CLDN16: variants seen among roughly 807,000 people sequenced by gnomAD.
CLDN16 encodes the protein claudin 16.
A neutral mutation model predicts 24.6 loss-of-function variants in CLDN16; 13 were observed. The observed-to-expected ratio is 0.53, with a 90% CI of 0.34 to 0.84. CLDN16 has a LOEUF of 0.84. Ranked by LOEUF, CLDN16 falls within the 40% of genes least tolerant of loss-of-function variation. The pLI is 0.01. For synonymous variants in CLDN16, 116 were observed against 106.7 expected (o/e 1.09, Z -0.54); for missense variants, 298 against 292.7 (o/e 1.02, Z -0.13).
At chr3:190,403,928 A>G (rs546693452) in intron 2 of CLDN16, among the ~76,000 whole-genome samples, 2 of 152,214 alleles carry the variant, frequency 1.3e-5, no homozygotes, top group Non-Finnish European at 2.9e-5. Flanking sequence ...AAAATTAAAA[A>G]AAATTTAAAA....
Position 190,380,198 on chromosome 3 carries a change from C to T in CLDN16, n.306+5595C>T, listed in dbSNP as rs866802718. ...CCTTCCTTCCTTTTCTTCCTTCCCTCCCTTCCTTCCTTCCTCCCTTCCTTC... is the reference window on the plus strand; with the variant it reads ...CCTTCCTTCCTTTTCTTCCTTCCCTTCCTTCCTTCCTTCCTCCCTTCCTTC... On this transcript the variant is annotated intron_variant and non_coding_transcript_variant, in intron 3 of 4. Transcript: ENST00000468220. Among the ~76,000 whole-genome samples, 175 of 130,330 alleles carry T rather than the reference C, an allele frequency of 1.3e-3. 32 individuals carry two copies. Among genetic ancestry groups the T allele is most frequent in the South Asian group, 8.5e-3 (33 of 3,866 alleles). 85.5% of individuals were successfully genotyped at this position (130,330 alleles called of 152,430 possible).
chr3:190,407,838 A>T (rs948653446), intron 3 of CLDN16, among the ~76,000 whole-genome samples: 1 of 152,224 alleles, frequency 6.6e-6, no homozygotes, highest in Non-Finnish European at 1.5e-5. Context: ...CGTAGCTGGC[A>T]TAGCTTCAAA....
At chr3:190,408,566 G>A in intron 4 of CLDN16, 61 bp downstream of exon 4, 1 of 1,465,458 alleles carries the variant, frequency 6.8e-7, no homozygotes. Context: ...CCAATCCAGT[G>A]GAAACAAATT....
At chr3:190,336,811 G>T (rs565673300) in intron 1 of CLDN16, among the ~76,000 whole-genome samples, 3 of 152,214 alleles carry the variant, frequency 2.0e-5, no homozygotes, top group African/African-American at 7.2e-5. Context: ...AAAGCTGTTC[G>T]CCAAGAACTG....
At chr3:190,317,922 A>G (rs1480522054), upstream of CLDN16, among the ~76,000 whole-genome samples, 1 of 152,192 alleles carries the variant, frequency 6.6e-6, no homozygotes, top group Non-Finnish European at 1.5e-5. Flanking sequence ...TAGTTGCTTA[A>G]TAAGTATTAA....
intron 3 of CLDN16, among the ~76,000 whole-genome samples, chr3:190,407,625 A>G (rs528552198): frequency 2.6e-4 from 40 of 152,320 alleles, no homozygotes; most frequent in African/African-American, 9.4e-4. Context: ...CGTCATTTCA[A>G]ACCAGTTAAT....
At chr3:190,295,990 C>T in the CLDN16 span, among the ~76,000 whole-genome samples, 2 of 151,974 alleles carry the variant, frequency 1.3e-5, no homozygotes, top group Admixed American at 6.6e-5. Context: ...ATTTCATCTT[C>T]TAAATGAAGA....
intron 3 of CLDN16, among the ~76,000 whole-genome samples, chr3:190,376,711 G>T (rs1280932497): frequency 6.6e-6 from 1 of 151,866 alleles, no homozygotes; most frequent in East Asian, 1.9e-4. Context: ...GAAATGTAAG[G>T]CATTTCTCTG....
At chr3:190,343,404 A>G (rs536224168) in intron 1 of CLDN16, among the ~76,000 whole-genome samples, 2 of 152,286 alleles carry the variant, frequency 1.3e-5, no homozygotes, top group East Asian at 3.9e-4. Context: ...GTTCCTAAAG[A>G]AATTAAAAAT....
rs568873955 is a variant in CLDN16, at chr3:190,352,982, A to G, written n.122-17911A>G. 2.0e-5 allele frequency among the ~76,000 whole-genome samples: 3 copies of G among 152,130 alleles called. No individual in the cohort carries two copies. The East Asian group carries it at 5.8e-4, about 29-fold the overall frequency. ...TCCCAGCTCAGTATCTAGAAGCTTTATGGCCCTTAAGTACAATTTAATTTC... is the reference window on the plus strand; with the variant it reads ...TCCCAGCTCAGTATCTAGAAGCTTTGTGGCCCTTAAGTACAATTTAATTTC... On this transcript the variant is annotated intron_variant and non_coding_transcript_variant, in intron 1 of 4. Coordinates refer to the CLDN16 transcript ENST00000468220.
chr3:190,365,010 A>G (rs1205889226), intron 1 of CLDN16, among the ~76,000 whole-genome samples: 2 of 151,752 alleles, frequency 1.3e-5, no homozygotes, highest in Non-Finnish European at 2.9e-5. Flanking sequence ...AAAACTAGAA[A>G]TTTTACTGGG....
At chr3:190,324,298 C>T (rs1433695469) in intron 1 of CLDN16, among the ~76,000 whole-genome samples, 1 of 152,150 alleles carries the variant, frequency 6.6e-6, no homozygotes, top group Admixed American at 6.5e-5. Flanking sequence ...GCCTGGCCAA[C>T]ATGGTGAAAC....
At chr3:190,295,415 T>C in the CLDN16 span, among the ~76,000 whole-genome samples, 640 of 152,268 alleles carry the variant, frequency 4.2e-3, 4 homozygotes, top group Admixed American at 6.6e-3. Flanking sequence ...ATCCTAACCT[T>C]TTCTTTGTGG....
chr3:190,343,002 CA>C (rs1226437300), intron 1 of CLDN16, among the ~76,000 whole-genome samples: 1 of 151,932 alleles, frequency 6.6e-6, no homozygotes, highest in Non-Finnish European at 1.5e-5. Flanking sequence ...GCAAAGAAAA[CA>C]ATCAACAAAA....
At position 190,408,340 on chromosome 3, in the gene CLDN16, T is replaced by A. The variant is rs765895243; in HGVS notation, c.409T>A (p.Trp137Arg). ...AGTPGIIGSV[W>R]YAVDVYVERS... ...TACCCCAGGAATCATTGGCTCTGTG[T>A]GGTATGCTGTTGATGTGTATGTGGA... The change falls in exon 4 of 5, where the codon TGG (tryptophan) becomes AGG (arginine). Residue 137 changes from tryptophan to arginine, a missense_variant. Trp to Arg is a moderately radical substitution (Grantham distance 101, BLOSUM62 -3). Coordinates refer to ENST00000264734, the MANE Select transcript of CLDN16 (RefSeq NM_006580.4). The A allele has an allele frequency of 6.2e-7, 1 of 1,614,134 alleles. No homozygotes were observed. Among genetic ancestry groups the A allele is most frequent in the Non-Finnish European group, 8.5e-7 (1 of 1,179,982 alleles).
chr3:190,382,156 T>A (rs1461083132), intron 3 of CLDN16, among the ~76,000 whole-genome samples: 1 of 152,076 alleles, frequency 6.6e-6, no homozygotes, highest in East Asian at 1.9e-4. Flanking sequence ...TATGCCAGAA[T>A]GACTTCATGA....
chr3:190,409,374 T>C (rs534050500), intron 4 of CLDN16, among the ~76,000 whole-genome samples: 1 of 152,084 alleles, frequency 6.6e-6, no homozygotes, highest in East Asian at 1.9e-4. Flanking sequence ...TATACAATTA[T>C]ACCTTTATAA....
At chr3:190,394,548 A>T (rs1332329000) in intron 1 of CLDN16, among the ~76,000 whole-genome samples, 2 of 152,146 alleles carry the variant, frequency 1.3e-5, no homozygotes, top group Non-Finnish European at 2.9e-5. Context: ...AAACTTTCCA[A>T]TTGATTTCAA....
upstream of CLDN16, among the ~76,000 whole-genome samples, chr3:190,319,181 G>A (rs984214788): frequency 4.6e-5 from 7 of 152,150 alleles, no homozygotes; most frequent in East Asian, 1.9e-4. Context: ...TAAAATTGGC[G>A]CGAGCTTCCT....
Sources: gnomAD v4.1 joint callset for allele counts (sites outside exome capture counted in the v4.1 genomes callset) on GRCh38, gnomAD v4.1.1 for gene constraint, MANE v1.5 for transcripts, NCBI Gene and HGNC (gene_info 2026-07-23, HGNC 2026-07-21) for gene names.